SCIMP: variants seen among roughly 807,000 people sequenced by gnomAD.
SCIMP encodes the protein SLP adaptor and CSK interacting membrane protein.
A neutral mutation model predicts 22.0 loss-of-function variants in SCIMP; 18 were observed. The observed-to-expected ratio is 0.82, with a 90% CI of 0.56 to 1.21. The LOEUF is 1.21. Ranked by LOEUF, SCIMP falls within the 50% of genes most tolerant of loss-of-function variation. The pLI is 0.00. For synonymous variants in SCIMP, 53 were observed against 62.2 expected, an observed-to-expected ratio of 0.85 and a Z score of 0.70; for missense variants, 155 against 171.2, an observed-to-expected ratio of 0.91 and a Z score of 0.53.
intron 1 of SCIMP, among the ~76,000 whole-genome samples, chr17:5,232,498 C>G (rs1208688475): frequency 1.7e-5 from 2 of 120,562 alleles, no homozygotes; most frequent in African/African-American, 7.3e-5. Context: ...AAGAGGTGGG[C>G]TCCTCGGGAG....
chr17:5,215,603 G>T (rs541785256), intron 3 of SCIMP, among the ~76,000 whole-genome samples: 18 of 152,228 alleles, frequency 1.2e-4, no homozygotes, highest in African/African-American at 4.3e-4. Flanking sequence ...AACAGAGTGA[G>T]ACTCTGTCTC....
intron 1 of SCIMP, among the ~76,000 whole-genome samples, chr17:5,230,855 G>A (rs767491567): frequency 1.3e-5 from 2 of 152,144 alleles, no homozygotes; most frequent in Non-Finnish European, 2.9e-5. Flanking sequence ...TGGGAGGATG[G>A]CTTGACTCTA....
chr17:5,215,394 C>G (rs2074558471), intron 3 of SCIMP: 1 of 163,724 alleles, frequency 6.1e-6, no homozygotes. Flanking sequence ...AGGCGGATCA[C>G]CTGAGGTCAG....
At chr17:5,230,992 T>C (rs2074689480) in intron 1 of SCIMP, among the ~76,000 whole-genome samples, 1 of 152,162 alleles carries the variant, frequency 6.6e-6, no homozygotes, top group South Asian at 2.1e-4. Flanking sequence ...AAGCAATATT[T>C]AACTGGACTT....
chr17:5,228,760 A>G (rs2074671540), intron 1 of SCIMP, among the ~76,000 whole-genome samples: 1 of 152,116 alleles, frequency 6.6e-6, no homozygotes, highest in Non-Finnish European at 1.5e-5. Flanking sequence ...TCTGTCTCCC[A>G]CACTGATGGG....
chr17:5,233,187 A>T, intron 1 of SCIMP, among the ~76,000 whole-genome samples: 1 of 152,126 alleles, frequency 6.6e-6, no homozygotes, highest in African/African-American at 2.4e-5. Flanking sequence ...ACCTTGCCTC[A>T]TTCCTCTTTC....
intron 3 of SCIMP, among the ~76,000 whole-genome samples, chr17:5,216,717 T>C (rs2074568219): frequency 6.6e-6 from 1 of 152,064 alleles, no homozygotes; most frequent in Admixed American, 6.6e-5. Context: ...ATTTATACTA[T>C]CACAGACAGT....
At chr17:5,231,722 C>T (rs1334012136) in intron 1 of SCIMP, among the ~76,000 whole-genome samples, 2 of 152,334 alleles carry the variant, frequency 1.3e-5, no homozygotes, top group East Asian at 3.9e-4. Flanking sequence ...CATCTCCTCA[C>T]TTGGCTGCCT....
At chr17:5,214,561 C>CA (rs1224848731) in intron 4 of SCIMP, 21 of 146,126 alleles carry the variant, frequency 1.4e-4, no homozygotes, top group Middle Eastern at 4.2e-3. Context: ...ATCTCAAAAA[C>CA]AAAAAAAAGT....
rs1034915999 is a variant in SCIMP at position 5,214,189 on chromosome 17, G to A, written c.283+736C>T. ...CTCGGGCTTCCAGCTTCAGAACAACGAGAAAACAAATTTCTGTTGTGTAAG... is the reference window on the plus strand; with the variant it reads ...CTCGGGCTTCCAGCTTCAGAACAACAAGAAAACAAATTTCTGTTGTGTAAG... On this transcript the variant is annotated intron_variant, in intron 4 of 4. Coordinates refer to ENST00000574081, the MANE Select transcript of SCIMP (RefSeq NM_207103.3). 4 of 152,256 alleles carry A rather than the reference G, an allele frequency of 2.6e-5. No individual in the cohort carries two copies. In the East Asian group the frequency reaches 5.8e-4, roughly 22 times the overall value. The allele number at this position is 152,256 out of a possible 1,614,324, so 9.4% of individuals were successfully genotyped here.
intron 1 of SCIMP, among the ~76,000 whole-genome samples, chr17:5,233,333 C>G (rs1366759250): frequency 6.6e-6 from 1 of 151,746 alleles, no homozygotes; most frequent in African/African-American, 2.4e-5. Flanking sequence ...TGCCAAATAC[C>G]AGTGTGACCC....
intron 1 of SCIMP, among the ~76,000 whole-genome samples, chr17:5,231,501 C>T (rs1408057526): frequency 6.6e-6 from 1 of 152,096 alleles, no homozygotes; most frequent in Admixed American, 6.6e-5. Flanking sequence ...TGTCAGAGCG[C>T]CAAAAACTCC....
chr17:5,220,920 T>C (rs962697656), intron 3 of SCIMP: 39 of 353,416 alleles, frequency 1.1e-4, no homozygotes, highest in African/African-American at 6.7e-4. Context: ...TAGGCAGGCA[T>C]GATGGTGGGT....
intron 1 of SCIMP, among the ~76,000 whole-genome samples, chr17:5,233,121 G>T (rs1254509478): frequency 2.0e-5 from 3 of 152,108 alleles, no homozygotes; most frequent in Admixed American, 2.0e-4. Context: ...TCATTAAAAG[G>T]AGTCCAGCCT....
chr17:5,223,001 G>A (rs189714070), intron 2 of SCIMP, among the ~76,000 whole-genome samples: 24 of 152,144 alleles, frequency 1.6e-4, no homozygotes, highest in East Asian at 1.4e-3. Context: ...TTGTGTTCTC[G>A]CAAGATGCTG....
At chr17:5,217,495 T>C (rs1372189312) in intron 3 of SCIMP, among the ~76,000 whole-genome samples, 1 of 151,948 alleles carries the variant, frequency 6.6e-6, no homozygotes, top group Non-Finnish European at 1.5e-5. Context: ...GTGTGCCATG[T>C]TGATGTGCTG....
chr17:5,229,196 G>A (rs2074674571), intron 1 of SCIMP, among the ~76,000 whole-genome samples: 1 of 152,044 alleles, frequency 6.6e-6, no homozygotes, highest in Admixed American at 6.6e-5. Context: ...TTGCAGTTCT[G>A]GGTGGTTTCA....
chr17:5,231,373 A>G (rs9904404), intron 1 of SCIMP, among the ~76,000 whole-genome samples: 2 of 151,770 alleles, frequency 1.3e-5, no homozygotes, highest in African/African-American at 2.4e-5. Flanking sequence ...AAAAAAAAAA[A>G]GAAAAGAAAA....
chr17:5,231,642 A>G (rs2074695310), intron 1 of SCIMP, among the ~76,000 whole-genome samples: 1 of 152,128 alleles, frequency 6.6e-6, no homozygotes, highest in Non-Finnish European at 1.5e-5. Context: ...ACCTTAGGCC[A>G]CCTGCTTCTT....
Sources: gnomAD v4.1 joint callset for allele counts (sites outside exome capture counted in the v4.1 genomes callset) on GRCh38, gnomAD v4.1.1 for gene constraint, MANE v1.5 for transcripts, NCBI Gene and HGNC (gene_info 2026-07-23, HGNC 2026-07-21) for gene names.